The following SLCO1B1 variants were observed in gnomAD, a reference collection of about 807,000 sequenced individuals.
SLCO1B1 encodes the protein OATP-2.
A neutral mutation model predicts 70.1 loss-of-function variants in SLCO1B1; 81 were observed. That is an observed-to-expected ratio of 1.16 (90% CI 0.97 to 1.39). The LOEUF (loss-of-function observed/expected upper bound fraction) is 1.39, where lower values mean the gene tolerates loss of function less well. SLCO1B1 is among the 40% of genes most tolerant of loss of function. The pLI, the probability that SLCO1B1 is intolerant of heterozygous loss-of-function variation, is 0.00. For missense variants in SLCO1B1, 895 were observed against 799.6 expected (o/e 1.12, Z -1.44); for synonymous variants, 283 against 271.5 (o/e 1.04, Z -0.42).
chr12:21,144,589 G>T (rs1157980506), intron 2 of SLCO1B1, among the ~76,000 whole-genome samples: 4 of 151,942 alleles, frequency 2.6e-5, no homozygotes, highest in Non-Finnish European at 5.9e-5. Context: ...ATACAAGATG[G>T]TCATCCACAA....
chr12:21,152,532 G>GTTTTTTTTTTTTTTT (rs1321105425), intron 2 of SLCO1B1, among the ~76,000 whole-genome samples: 115 of 7,770 alleles, frequency 0.015, 1 homozygote, highest in Non-Finnish European at 0.044. Context: ...GAGAGGAGAG[G>GTTTTTTTTTTTTTTT]CTTTTTTTTT....
At chr12:21,207,508 A>ATG (rs1256195898) in intron 11 of SLCO1B1, among the ~76,000 whole-genome samples, 1 of 151,952 alleles carries the variant, frequency 6.6e-6, no homozygotes, top group African/African-American at 2.4e-5. Context: ...CATTGTCTAT[A>ATG]TGTACCACAT....
At chr12:21,211,707 G>C (rs1322535999) in intron 11 of SLCO1B1, among the ~76,000 whole-genome samples, 1 of 152,082 alleles carries the variant, frequency 6.6e-6, no homozygotes, top group Non-Finnish European at 1.5e-5. Flanking sequence ...CTTTTTGGTT[G>C]GTAAGCTACT....
At chr12:21,213,633 T>C (rs1941317658) in intron 11 of SLCO1B1, among the ~76,000 whole-genome samples, 3 of 135,810 alleles carry the variant, frequency 2.2e-5, no homozygotes, top group Admixed American at 7.5e-5. Flanking sequence ...TTGGGGAAGT[T>C]CTCCTGGATA....
At chr12:21,226,421 G>GA (rs147741557) in intron 14 of SLCO1B1, among the ~76,000 whole-genome samples, 27,393 of 148,302 alleles carry the variant, frequency 0.18, 2,827 homozygotes, top group East Asian at 0.45. Flanking sequence ...CTCAAAAAAA[G>GA]AAAAAAAAAG....
chr12:21,202,493 G>A lies in SLCO1B1; in HGVS notation c.1138G>A (p.Val380Ile). The A allele has an allele frequency of 6.3e-7, 1 of 1,598,646 alleles. No individual in the cohort carries two copies. The highest frequency in any genetic ancestry group is 8.5e-7 in the Non-Finnish European group (1 of 1,170,860). The change falls in exon 10 of 15, where the codon GTC (valine) becomes ATC (isoleucine). Residue 380 changes from valine (V) to isoleucine (I), a missense_variant and splice_region_variant. Physicochemically the swap from Val to Ile is conservative, Grantham distance 29. Coordinates refer to ENST00000256958, the MANE Select transcript of SLCO1B1 (RefSeq NM_006446.5). ...AACTTTTTTTCTTTTTTTTCTAGGAGTCATAACCATACCTATTTTTGCAAG... is the reference window on the plus strand; with the variant it reads ...AACTTTTTTTCTTTTTTTTCTAGGAATCATAACCATACCTATTTTTGCAAG... The part of the protein sequence containing the change: ...PSSKANILLG[V>I]ITIPIFASGM...
Position 21,239,195 on chromosome 12 carries a change from G to A in SLCO1B1, c.*6G>A, listed in dbSNP as rs749550577. On this transcript the variant is annotated 3_prime_UTR_variant, in exon 15 of 15. Transcript: ENST00000256958. ...ATAGTGAAACACATTGTTAAGGGGA[G>A]AAAAAAAGCCACTTCTGCTTCTGTG... The A allele has an allele frequency of 6.3e-7, 1 of 1,594,202 alleles. No individual in the cohort carries two copies. The highest frequency in any genetic ancestry group is 8.6e-7 in the Non-Finnish European group (1 of 1,162,330).
intron 12 of SLCO1B1, among the ~76,000 whole-genome samples, chr12:21,219,780 A>G (rs1941400834): frequency 6.6e-6 from 1 of 152,172 alleles, no homozygotes; most frequent in Non-Finnish European, 1.5e-5. Context: ...TTTATTTTTG[A>G]GAGACAGTCT....
intron 2 of SLCO1B1, among the ~76,000 whole-genome samples, chr12:21,155,110 T>G (rs7978260): frequency 0.016 from 2,444 of 152,018 alleles, 62 homozygotes; most frequent in African/African-American, 0.056. Context: ...TTTTTTGTTT[T>G]TTTTAATCTT....
At chr12:21,153,919 C>T (rs1940506089) in intron 2 of SLCO1B1, among the ~76,000 whole-genome samples, 1 of 151,856 alleles carries the variant, frequency 6.6e-6, no homozygotes, top group Non-Finnish European at 1.5e-5. Flanking sequence ...CGAAGAATTT[C>T]TTCGTGATTT....
intron 1 of SLCO1B1, among the ~76,000 whole-genome samples, chr12:21,134,390 A>G (rs1485931553): frequency 6.6e-6 from 1 of 152,222 alleles, no homozygotes; most frequent in Non-Finnish European, 1.5e-5. Flanking sequence ...ATTGATTGGA[A>G]TAGTTTCAGA....
At position 21,205,999 on chromosome 12, in the gene SLCO1B1, G is replaced by C. The variant is rs59502379; in HGVS notation, c.1463G>C (p.Gly488Ala). Residue 488 changes from glycine (G) to alanine (A), a missense_variant, in exon 11 of 15, where the codon GGT becomes GCT. Physicochemically the swap from Gly to Ala is moderately conservative, Grantham distance 60. Coordinates refer to ENST00000256958, the MANE Select transcript of SLCO1B1 (RefSeq NM_006446.5). ...ACTTACATCTCACCCTGTCTAGCAG[G>C]TTGCAAATCTTCAAGTGGCAATAAA... ...GITYISPCLAGCKSSSGNKKP... is the reference protein window; with the variant it reads ...GITYISPCLAACKSSSGNKKP... The C allele has an allele frequency of 1.9e-3, 3,086 of 1,612,102 alleles. 54 individuals carry two copies. The African/African-American group carries it at 0.037, about 19-fold the overall frequency.
At chr12:21,235,252 A>G (rs1201823072) in intron 14 of SLCO1B1, among the ~76,000 whole-genome samples, 2 of 151,476 alleles carry the variant, frequency 1.3e-5, no homozygotes, top group Non-Finnish European at 2.9e-5. Flanking sequence ...ATATATTTAG[A>G]TTAGTTAAAT....
intron 2 of SLCO1B1, among the ~76,000 whole-genome samples, chr12:21,147,294 T>C (rs1293134674): frequency 6.6e-6 from 1 of 152,196 alleles, no homozygotes; most frequent in Non-Finnish European, 1.5e-5. Context: ...TTTACTTTTT[T>C]AAAAAATTAC....
chr12:21,200,263 C>G (rs544160130), intron 8 of SLCO1B1, among the ~76,000 whole-genome samples: 1 of 152,206 alleles, frequency 6.6e-6, no homozygotes, highest in Non-Finnish European at 1.5e-5. Context: ...CAAAACAGCA[C>G]TTACGTATGA....
intron 14 of SLCO1B1, among the ~76,000 whole-genome samples, chr12:21,236,414 G>A (rs571733771): frequency 6.6e-6 from 1 of 152,250 alleles, no homozygotes; most frequent in South Asian, 2.1e-4. Context: ...GCAGGGCGGT[G>A]GCATACCATA....
intron 8 of SLCO1B1, among the ~76,000 whole-genome samples, chr12:21,197,393 T>C (rs1047599379): frequency 2.0e-5 from 3 of 152,152 alleles, no homozygotes; most frequent in Non-Finnish European, 4.4e-5. Context: ...GAATTAGGTT[T>C]GTACTTTTTA....
chr12:21,195,292 A>T (rs2199765), intron 7 of SLCO1B1, among the ~76,000 whole-genome samples: 1,542 of 152,290 alleles, frequency 0.01, 35 homozygotes, highest in South Asian at 0.039. Context: ...GGGTCTCATG[A>T]GCACTTTTAG....
chr12:21,174,828 G>A (rs2121101474), intron 4 of SLCO1B1, 119 bp downstream of exon 4: 2 of 933,734 alleles, frequency 2.1e-6, no homozygotes, highest in East Asian at 2.5e-5. Flanking sequence ...TACCCACTAA[G>A]TGTGTACAGA....
Sources: gnomAD v4.1 joint callset for allele counts (sites outside exome capture counted in the v4.1 genomes callset) on GRCh38, gnomAD v4.1.1 for gene constraint, MANE v1.5 for transcripts, NCBI Gene and HGNC (gene_info 2026-07-23, HGNC 2026-07-21) for gene names.